Variants in FGF12 observed in about 807,000 individuals in gnomAD.
The protein encoded by FGF12 is fibroblast growth factor 12.
A neutral mutation model predicts 23.6 loss-of-function variants in FGF12; 14 were observed. That is an observed-to-expected ratio of 0.59 (90% CI 0.39 to 0.93). The LOEUF (loss-of-function observed/expected upper bound fraction) is 0.93. Ranked by LOEUF, FGF12 falls within the 40% of genes least tolerant of loss-of-function variation. The probability of loss-of-function intolerance (pLI) is 0.00; values close to 1 mark genes in which losing one functional copy is unlikely to be tolerated. For synonymous variants in FGF12, 62 were observed against 77.3 expected (o/e 0.80, Z 1.04); for missense variants, 175 against 217.8 (o/e 0.80, Z 1.24).
At chr3:192,207,719 G>C (rs1717728066) in intron 4 of FGF12, among the ~76,000 whole-genome samples, 2 of 152,184 alleles carry the variant, frequency 1.3e-5, no homozygotes, top group African/African-American at 4.8e-5. Flanking sequence ...TCCAGCAGAG[G>C]TTTTTAGCAG....
chr3:192,472,530 G>C (rs923493645), intron 2 of FGF12, among the ~76,000 whole-genome samples: 1 of 151,990 alleles, frequency 6.6e-6, no homozygotes, highest in Non-Finnish European at 1.5e-5. Context: ...TCTTCTGCTA[G>C]AGTCCAAAGG....
intron 4 of FGF12, among the ~76,000 whole-genome samples, chr3:192,229,073 A>T (rs1560200808): frequency 6.6e-6 from 1 of 151,990 alleles, no homozygotes; most frequent in Non-Finnish European, 1.5e-5. Flanking sequence ...GAGCTCATTG[A>T]GAGTAAGGAC....
chr3:192,708,105 G>GC (rs1256318800), intron 2 of FGF12, among the ~76,000 whole-genome samples: 9 of 151,976 alleles, frequency 5.9e-5, no homozygotes, highest in African/African-American at 2.2e-4. Context: ...GACTACAGGC[G>GC]CCTGCCACCA....
chr3:192,209,391 C>A (rs939760559), intron 4 of FGF12, among the ~76,000 whole-genome samples: 1 of 152,178 alleles, frequency 6.6e-6, no homozygotes, highest in African/African-American at 2.4e-5. Context: ...GAATCCTGTG[C>A]TAGCTATGGA....
chr3:192,328,429 G>A (rs1201420961), intron 4 of FGF12, among the ~76,000 whole-genome samples: 3 of 152,272 alleles, frequency 2.0e-5, no homozygotes, highest in African/African-American at 4.8e-5. Context: ...CCTGCTTGGC[G>A]ACACTTCATG....
intron 4 of FGF12, among the ~76,000 whole-genome samples, chr3:192,186,084 T>A (rs1162597482): frequency 1.3e-5 from 2 of 152,144 alleles, no homozygotes; most frequent in African/African-American, 2.4e-5. Flanking sequence ...AAGATAGTGA[T>A]TTTATGTTGA....
At chr3:192,296,291 A>G (rs1715038179) in intron 4 of FGF12, among the ~76,000 whole-genome samples, 2 of 150,084 alleles carry the variant, frequency 1.3e-5, no homozygotes. Context: ...TGGCACAATC[A>G]TGGCTCACTG....
At chr3:192,712,968 C>A (rs991722695) in intron 2 of FGF12, among the ~76,000 whole-genome samples, 1 of 152,108 alleles carries the variant, frequency 6.6e-6, no homozygotes, top group South Asian at 2.1e-4. Flanking sequence ...ATCTGTGCAT[C>A]TGAGTGTCTT....
chr3:192,612,301 C>G (rs1714577629), intron 2 of FGF12, among the ~76,000 whole-genome samples: 2 of 152,038 alleles, frequency 1.3e-5, no homozygotes, highest in South Asian at 4.1e-4. Flanking sequence ...TCTTAATTGA[C>G]TAGGTTTGTA....
intron 4 of FGF12, among the ~76,000 whole-genome samples, chr3:192,175,562 A>G (rs1035208308): frequency 2.0e-5 from 3 of 152,186 alleles, no homozygotes; most frequent in Non-Finnish European, 2.9e-5. Context: ...AGTGTTCCGA[A>G]ATTATTTTTG....
intron 4 of FGF12, among the ~76,000 whole-genome samples, chr3:192,286,228 T>C (rs1193616417): frequency 2.0e-5 from 3 of 152,014 alleles, no homozygotes; most frequent in African/African-American, 7.2e-5. Context: ...CCATTACATG[T>C]GCTGTTGGCG....
chr3:192,712,004 G>T (rs1042087322), intron 2 of FGF12, among the ~76,000 whole-genome samples: 1 of 146,744 alleles, frequency 6.8e-6, no homozygotes, highest in Admixed American at 6.8e-5. Context: ...AGAAAATATC[G>T]CATCTGTGAA....
chr3:192,484,678 G>A (rs1723578840), intron 2 of FGF12, among the ~76,000 whole-genome samples: 1 of 152,150 alleles, frequency 6.6e-6, no homozygotes, highest in South Asian at 2.1e-4. Context: ...ATAAAGGTGG[G>A]CGGACCTTAT....
intron 2 of FGF12, among the ~76,000 whole-genome samples, chr3:192,635,264 C>G (rs771060804): frequency 2.7e-4 from 41 of 152,212 alleles, no homozygotes; most frequent in Non-Finnish European, 5.4e-4. Flanking sequence ...TTTAGAATCA[C>G]TTGTCCCCCG....
rs951068963 is a variant in FGF12 at position 192,408,874 on chromosome 3, A to T, written c.14-48336T>A. On this transcript the variant is annotated intron_variant, in intron 2 of 5. Transcript: ENST00000445105. The surrounding 1 kb of genome is among the most constrained non-coding windows in gnomAD (Gnocchi z 7.3). The stretch of plus-strand genomic sequence containing the variant: ...TGAAGATTAGGAGGTCCGTCCCAGC[A>T]GGGTGAGGTCTACAGAATGCATCGC... The T allele has an allele frequency of 3.0e-6, 3 of 985,470 alleles. No individual in the cohort carries two copies. In the African/African-American group the frequency reaches 5.2e-5, roughly 17 times the overall value. The allele number at this position is 985,470 out of a possible 1,614,324, so 61.0% of individuals were successfully genotyped here.
At chr3:192,145,879 A>G (rs1713671522) in intron 5 of FGF12, among the ~76,000 whole-genome samples, 1 of 152,204 alleles carries the variant, frequency 6.6e-6, no homozygotes, top group South Asian at 2.1e-4. Flanking sequence ...TCTTGCCAGA[A>G]TCTTGAAGTT....
chr3:192,310,245 A>G (rs1439184209), intron 4 of FGF12, among the ~76,000 whole-genome samples: 1 of 152,206 alleles, frequency 6.6e-6, no homozygotes, highest in Non-Finnish European at 1.5e-5. Flanking sequence ...GGTGAAACAA[A>G]CTAAACTGAG....
intron 4 of FGF12, among the ~76,000 whole-genome samples, chr3:192,229,328 A>C (rs1425024317): frequency 6.6e-6 from 1 of 152,084 alleles, no homozygotes; most frequent in African/African-American, 2.4e-5. Flanking sequence ...AAAGCAAAGA[A>C]AAATGATTAT....
chr3:192,477,392 G>A (rs906034134), intron 2 of FGF12, among the ~76,000 whole-genome samples: 2 of 152,114 alleles, frequency 1.3e-5, no homozygotes, highest in African/African-American at 2.4e-5. Context: ...CCAAACCAAC[G>A]ATATCTGGCT....
Sources: gnomAD v4.1 joint callset for allele counts (sites outside exome capture counted in the v4.1 genomes callset) on GRCh38, gnomAD v4.1.1 for gene constraint, Gnocchi (gnomAD v3.1) non-coding constraint, MANE v1.5 for transcripts, NCBI Gene and HGNC (gene_info 2026-07-23, HGNC 2026-07-21) for gene names.